Variants in RFX3 observed in about 807,000 individuals in gnomAD.
RFX3 encodes regulatory factor X3.
In RFX3, 14 loss-of-function variants were observed where a neutral mutation model predicts 98.6. The observed-to-expected ratio is 0.14, with a 90% confidence interval of 0.09 to 0.22. The LOEUF (loss-of-function observed/expected upper bound fraction) is 0.22, where lower values mean the gene tolerates loss of function less well. RFX3 is among the 10% of genes least tolerant of loss of function. RFX3 has a pLI of 1.00. For missense variants in RFX3, 639 were observed against 926.9 expected, an observed-to-expected ratio of 0.69 and a Z score of 4.03; for synonymous variants, 383 against 328.4, an observed-to-expected ratio of 1.17 and a Z score of -1.80.
At chr9:3,277,014 G>A (rs777776121) in intron 8 of RFX3, among the ~76,000 whole-genome samples, 12 of 151,804 alleles carry the variant, frequency 7.9e-5, no homozygotes, top group Non-Finnish European at 1.3e-4. Context: ...AATTCTTTTT[G>A]GCACTTGAAG....
At chr9:3,374,858 A>C (rs1376479258) in intron 2 of RFX3, among the ~76,000 whole-genome samples, 1 of 42,818 alleles carries the variant, frequency 2.3e-5, no homozygotes, top group Non-Finnish European at 4.3e-5. Flanking sequence ...TAATTTTTAA[A>C]AATACAGGTT....
At position 3,323,267 on chromosome 9, in the gene RFX3, AT is replaced by A. The variant is rs36015318; in HGVS notation, c.474+6991del. ...CAATTGGTCATAGGCACTGTGTCGTATTTTTCCCCTTTAAATTAAACACATG... is the reference window on the plus strand; with the variant it reads ...CAATTGGTCATAGGCACTGTGTCGTATTTTCCCCTTTAAATTAAACACATG... On this transcript the variant is annotated intron_variant, in intron 4 of 16. Coordinates refer to ENST00000617270, the MANE Select transcript of RFX3 (RefSeq NM_001282116.2). 4.7e-4 allele frequency among the ~76,000 whole-genome samples: 71 copies of A among 152,214 alleles called. 1 individual carries two copies. Among genetic ancestry groups the A allele is most frequent in the Non-Finnish European group, 8.7e-4 (59 of 68,022 alleles).
intron 1 of RFX3, among the ~76,000 whole-genome samples, chr9:3,456,088 G>T (rs1847123933): frequency 1.3e-5 from 2 of 152,196 alleles, no homozygotes; most frequent in African/African-American, 2.4e-5. Flanking sequence ...GCTCCTGAAG[G>T]CTGTGTAAAG....
chr9:3,228,642 C>G (rs184586740), intron 16 of RFX3, among the ~76,000 whole-genome samples: 2 of 152,208 alleles, frequency 1.3e-5, no homozygotes, highest in East Asian at 3.9e-4. Context: ...ATTCAGTTAT[C>G]TGCATTTAAT....
intron 1 of RFX3, among the ~76,000 whole-genome samples, chr9:3,465,925 C>T (rs1301898871): frequency 6.6e-6 from 1 of 151,876 alleles, no homozygotes; most frequent in Non-Finnish European, 1.5e-5. Context: ...GGGCAAAGAA[C>T]AGGAGAATGA....
In RFX3 at chr9:3,235,403, C is replaced by A. The variant is rs546024884; in HGVS notation, c.1969-6514G>T. Among the ~76,000 whole-genome samples, 3 of 152,306 alleles carry A rather than the reference C, an allele frequency of 2.0e-5. No individual in the cohort carries two copies. The South Asian group carries it at 6.2e-4, about 32-fold the overall frequency. On this transcript the variant is annotated intron_variant, in intron 15 of 16. Transcript: ENST00000617270. ...GAGGAAGAACCTATAATCCGTAAGT[C>A]TTCAATGAGCAATATTCATTCAGAG...
intron 1 of RFX3, among the ~76,000 whole-genome samples, chr9:3,524,858 CA>C (rs1564205364): frequency 3.5e-5 from 5 of 141,794 alleles, no homozygotes; most frequent in African/African-American, 1.2e-4. Flanking sequence ...CACACACACA[CA>C]CACACACACA....
chr9:3,404,395 A>G (rs1386888045), intron 1 of RFX3, among the ~76,000 whole-genome samples: 2 of 152,178 alleles, frequency 1.3e-5, no homozygotes, highest in Non-Finnish European at 2.9e-5. Context: ...CAGAAAAATT[A>G]TTTCTCTGTA....
chr9:3,297,364 TTATGA>T (rs755259573), intron 5 of RFX3, among the ~76,000 whole-genome samples: 25 of 152,094 alleles, frequency 1.6e-4, no homozygotes, highest in Non-Finnish European at 3.4e-4. Flanking sequence ...ATTACTCTAC[TTATGA>T]ACTAATATAC....
chr9:3,292,608 T>C (rs1478970922), intron 6 of RFX3, among the ~76,000 whole-genome samples: 1 of 152,238 alleles, frequency 6.6e-6, no homozygotes, highest in Non-Finnish European at 1.5e-5. Context: ...TTTAGTTTCT[T>C]ACTCTATCCC....
At chr9:3,518,069 G>C (rs1269655849) in intron 1 of RFX3, among the ~76,000 whole-genome samples, 3 of 152,168 alleles carry the variant, frequency 2.0e-5, no homozygotes, top group Non-Finnish European at 4.4e-5. Context: ...ACAGTATTCA[G>C]TCCAATAACA....
intron 1 of RFX3, among the ~76,000 whole-genome samples, chr9:3,498,103 G>T (rs961491917): frequency 2.4e-4 from 37 of 151,944 alleles, no homozygotes; most frequent in African/African-American, 8.9e-4. Context: ...TCTTGTTTCA[G>T]GTTGTGAATG....
chr9:3,481,479 C>T (rs1007146836), intron 1 of RFX3, among the ~76,000 whole-genome samples: 19 of 151,024 alleles, frequency 1.3e-4, no homozygotes, highest in African/African-American at 4.6e-4. Context: ...CTGAAAAGTA[C>T]ATTTTTTAAA....
At chr9:3,278,229 AC>A (rs1296955008) in intron 7 of RFX3, among the ~76,000 whole-genome samples, 3 of 152,058 alleles carry the variant, frequency 2.0e-5, no homozygotes, top group East Asian at 3.9e-4. Context: ...ATATAAAAAA[AC>A]AAAACATAAA....
intron 5 of RFX3, among the ~76,000 whole-genome samples, chr9:3,299,729 A>C (rs1828422279): frequency 6.6e-6 from 1 of 151,826 alleles, no homozygotes; most frequent in Non-Finnish European, 1.5e-5. Flanking sequence ...ACATTCTTTC[A>C]TGAATTCTAT....
intron 2 of RFX3, among the ~76,000 whole-genome samples, chr9:3,353,886 A>C (rs1289440236): frequency 2.0e-5 from 3 of 152,092 alleles, no homozygotes; most frequent in African/African-American, 7.2e-5. Context: ...GAAATGAACT[A>C]GCAGGCAGAA....
At chr9:3,491,858 G>A (rs1359617783) in intron 1 of RFX3, among the ~76,000 whole-genome samples, 1 of 152,132 alleles carries the variant, frequency 6.6e-6, no homozygotes, top group African/African-American at 2.4e-5. Flanking sequence ...AGAAAGACTA[G>A]TTGTTTGGTA....
chr9:3,236,362 C>G (rs984078097), intron 15 of RFX3, among the ~76,000 whole-genome samples: 22 of 152,010 alleles, frequency 1.4e-4, no homozygotes, highest in Non-Finnish European at 3.1e-4. Flanking sequence ...GAAGTGGAAA[C>G]CAAAATTGAG....
intron 3 of RFX3, among the ~76,000 whole-genome samples, chr9:3,338,546 G>A (rs1277445097): frequency 6.6e-6 from 1 of 152,142 alleles, no homozygotes; most frequent in Non-Finnish European, 1.5e-5. Context: ...GTAGAACAGT[G>A]GTTCTCACAT....
Sources: gnomAD v4.1 joint callset for allele counts (sites outside exome capture counted in the v4.1 genomes callset) on GRCh38, gnomAD v4.1.1 for gene constraint, MANE v1.5 for transcripts, NCBI Gene and HGNC (gene_info 2026-07-23, HGNC 2026-07-21) for gene names.